GAK: variants seen among roughly 807,000 people sequenced by gnomAD.
GAK encodes cyclin-G-associated kinase.
Under a neutral mutation model 143.9 loss-of-function variants are expected in GAK, and 79 were observed. That is an observed-to-expected ratio of 0.55 (90% CI 0.46 to 0.66). The LOEUF is 0.66. GAK is among the 30% of genes least tolerant of loss of function. The pLI, the probability that GAK is intolerant of heterozygous loss-of-function variation, is 0.00. For missense variants in GAK, 1,693 were observed against 1,779.7 expected (o/e 0.95, Z 0.88); for synonymous variants, 881 against 765.5 (o/e 1.15, Z -2.49).
chr4:851,763 G>A lies in GAK; in HGVS notation c.3495C>T (p.Arg1165=), dbSNP rs1282421856. ...VIGAREERGV[R]APSFAQKPKV... ...TGGGGGACTCACCAAAGCTGGGTGCGCGGACCCCCCGCTCCTCCCGCGCCC... is the reference window on the plus strand; with the variant it reads ...TGGGGGACTCACCAAAGCTGGGTGCACGGACCCCCCGCTCCTCCCGCGCCC... The change falls in exon 25 of 28, where the codon CGC becomes CGT. Residue 1165 remains arginine, a synonymous_variant. Transcript: ENST00000314167. The A allele has an allele frequency of 5.6e-6, 9 of 1,613,206 alleles. No homozygotes were observed. Among genetic ancestry groups the A allele is most frequent in the East Asian group, 2.2e-5 (1 of 44,896 alleles).
At chr4:915,998 G>A (rs755345595) in intron 1 of GAK, among the ~76,000 whole-genome samples, 1 of 152,170 alleles carries the variant, frequency 6.6e-6, no homozygotes, top group African/African-American at 2.4e-5. Context: ...CATAACAAAC[G>A]CATTCAGGAT....
intron 24 of GAK, chr4:852,342 G>C (rs963770627): frequency 1.8e-5 from 6 of 341,552 alleles, no homozygotes; most frequent in South Asian, 1.0e-4. Context: ...TGTCCACGGG[G>C]GTTGGGGCAG....
chr4:853,957 C>T (rs1361413684), intron 24 of GAK: 2 of 152,166 alleles, frequency 1.3e-5, no homozygotes, highest in African/African-American at 4.8e-5. Flanking sequence ...GCCACCACGT[C>T]CAGCTAATTT....
At chr4:920,593 C>CG (rs1456664773) in intron 1 of GAK, among the ~76,000 whole-genome samples, 36 of 139,238 alleles carry the variant, frequency 2.6e-4, no homozygotes, top group African/African-American at 9.7e-4. Flanking sequence ...GCCCAGGCTG[C>CG]GGTGCAGAGG....
intron 1 of GAK, among the ~76,000 whole-genome samples, chr4:914,444 C>T (rs1308836735): frequency 8.8e-6 from 1 of 113,830 alleles, no homozygotes; most frequent in Non-Finnish European, 1.8e-5. Flanking sequence ...GTGCACGGCC[C>T]CCACACACAC....
rs1718755257 is a variant in GAK at position 896,293 on chromosome 4, G to A, written c.741+167C>T. Among the ~76,000 whole-genome samples, 3 of 152,278 alleles carry A rather than the reference G, an allele frequency of 2.0e-5. No homozygotes were observed. In the South Asian group the frequency reaches 6.2e-4, roughly 32 times the overall value. On this transcript the variant is annotated intron_variant, in intron 7 of 27. Transcript: ENST00000314167. ...TCCAAAAAAACCCAAAAAAACAGTGGCAGCCACAGTGATTCTTAAGGAAAG... is the reference window on the plus strand; with the variant it reads ...TCCAAAAAAACCCAAAAAAACAGTGACAGCCACAGTGATTCTTAAGGAAAG...
intron 1 of GAK, among the ~76,000 whole-genome samples, chr4:914,250 C>CA (rs2152944798): frequency 1.3e-5 from 1 of 76,706 alleles, no homozygotes; most frequent in Non-Finnish European, 2.5e-5. Context: ...GGCCCCCCCC[C>CA]ACACACACAG....
chr4:859,184 C>T (rs1263608168), intron 24 of GAK: 25 of 985,378 alleles, frequency 2.5e-5, no homozygotes, highest in East Asian at 2.3e-4. Context: ...AGCGCCCGGG[C>T]CGGGCCTGAG....
intron 24 of GAK, chr4:852,276 G>A (rs1242381042): frequency 2.2e-5 from 10 of 448,484 alleles, no homozygotes; most frequent in East Asian, 4.0e-5. Flanking sequence ...GCTTGTCCAC[G>A]GGGGTTGGGG....
intron 27 of GAK, 41 bp from the exon 28 acceptor site, chr4:849,815 C>CGGGGGCGGGGGGGGGGGGG: frequency 6.7e-7 from 1 of 1,493,238 alleles, no homozygotes; most frequent in Non-Finnish European, 9.1e-7. Context: ...TATAAGCATG[C>CGGGGGCGGGGGGGGGGGGG]GGGGGCGGGC....
chr4:918,937 C>G (rs13104537), intron 1 of GAK, among the ~76,000 whole-genome samples: 386 of 34,626 alleles, frequency 0.011, no homozygotes, highest in Middle Eastern at 0.029. Context: ...CCTCAGTGCC[C>G]CATGACCTTA....
intron 10 of GAK, among the ~76,000 whole-genome samples, chr4:890,285 G>A (rs1717383269): frequency 6.6e-6 from 1 of 152,172 alleles, no homozygotes; most frequent in South Asian, 2.1e-4. Context: ...TCTTCCCTTG[G>A]CTGGCTTTAG....
At chr4:904,864 G>C in intron 4 of GAK, 85 bp from the exon 5 acceptor site, 3 of 1,334,544 alleles carry the variant, frequency 2.2e-6, no homozygotes, top group East Asian at 2.6e-5. Context: ...GGACTTCCCA[G>C]AACTAAATGG....
intron 1 of GAK, among the ~76,000 whole-genome samples, chr4:918,986 C>G (rs1723492450): frequency 1.1e-5 from 1 of 88,718 alleles, no homozygotes; most frequent in Non-Finnish European, 2.4e-5. Flanking sequence ...TGCCCCATGA[C>G]CTTAGAAAGA....
chr4:912,060 C>T (rs1052989935), intron 3 of GAK: 9 of 483,768 alleles, frequency 1.9e-5, no homozygotes, highest in Non-Finnish European at 3.7e-5. Context: ...GTCCATCCCG[C>T]GCGTGGCAGG....
At chr4:907,343 T>G (rs372691844) in intron 4 of GAK, among the ~76,000 whole-genome samples, 2 of 152,116 alleles carry the variant, frequency 1.3e-5, no homozygotes, top group Non-Finnish European at 2.9e-5. Flanking sequence ...TCAAAAGCTT[T>G]GTGCTGACCC....
Position 859,614 on chromosome 4 carries a change from C to G in GAK, c.3275G>C (p.Gly1092Ala). ...AGTGCCCTCCACGTTACCTTGGAGGCCGGAGCTGAGGTCGCCAAGGTCAGC... is the reference window on the plus strand; with the variant it reads ...AGTGCCCTCCACGTTACCTTGGAGGGCGGAGCTGAGGTCGCCAAGGTCAGC... ...PFADLGDLSS[G>A]LQGSPAGFPP... The change falls in exon 24 of 28, where the codon GGC becomes GCC. Residue 1092 changes from glycine to alanine, a missense_variant. This residue lies in a region of GAK where 822 missense variants were observed against 788.7 expected (regional missense o/e 1.04). Coordinates refer to ENST00000314167, the MANE Select transcript of GAK (RefSeq NM_005255.4). The G allele has an allele frequency of 6.3e-7, 1 of 1,596,890 alleles. No individual in the cohort carries two copies. The highest frequency in any genetic ancestry group is 8.6e-7 in the Non-Finnish European group (1 of 1,165,676).
chr4:896,418 G>T, intron 7 of GAK, 42 bp downstream of exon 7: 1 of 1,540,166 alleles, frequency 6.5e-7, no homozygotes, highest in South Asian at 1.1e-5. Flanking sequence ...TAAGTAGGGC[G>T]CACGGAGCCA....
intron 10 of GAK, among the ~76,000 whole-genome samples, chr4:889,398 C>T (rs1717205690): frequency 6.6e-6 from 1 of 152,070 alleles, no homozygotes; most frequent in Admixed American, 6.5e-5. Flanking sequence ...CCTGGTGGGT[C>T]CTGCGAGTGA....
Sources: allele counts gnomAD v4.1 joint callset (sites outside exome capture counted in the v4.1 genomes callset), GRCh38; gene constraint gnomAD v4.1.1; regional missense constraint gnomAD v4.1.1; transcripts MANE v1.5; gene names NCBI Gene and HGNC (gene_info 2026-07-23, HGNC 2026-07-21).